IGSF10: variants seen among roughly 807,000 people sequenced by gnomAD.
The protein encoded by IGSF10 is calvaria mechanical force protein 608.
IGSF10 carries 126 observed loss-of-function variants against 128.2 expected under a neutral mutation model. The ratio of observed to expected loss-of-function variants is 0.98; its 90% CI spans 0.85 to 1.14. The LOEUF is 1.14. IGSF10 is among the 50% of genes most tolerant of loss of function. The pLI is 0.00. For missense variants in IGSF10, 3,295 were observed against 3,149.8 expected (o/e 1.05, Z -1.10); for synonymous variants, 1,185 against 1,146.2 (o/e 1.03, Z -0.68).
chr3:151,461,282 C>T (rs1217466490), upstream of IGSF10: 24 of 985,226 alleles, frequency 2.4e-5, no homozygotes, highest in East Asian at 1.1e-4. Flanking sequence ...AGTGGCCGCC[C>T]GTTCATTTCC....
chr3:151,448,430 CACTTT>C lies in IGSF10; in HGVS notation c.1546_1550del (p.Lys516GlufsTer7), dbSNP rs1415126202. The C allele has an allele frequency of 1.2e-6, 2 of 1,614,230 alleles. No individual in the cohort carries two copies. Among genetic ancestry groups the C allele is most frequent in the African/African-American group, 1.3e-5 (1 of 75,066 alleles). On this transcript the variant is annotated frameshift_variant, in exon 6 of 8. Transcript: ENST00000282466. LOFTEE classifies it high-confidence loss of function. ...CATCCTCACTGACATAAGGGGCTCT[CACTTT>C]ACTTCCATCAGCTAGAAGCCAATCC...
chr3:151,548,231 G>A, the IGSF10 span, among the ~76,000 whole-genome samples: 3 of 152,290 alleles, frequency 2.0e-5, no homozygotes, highest in East Asian at 3.9e-4. Context: ...TAAACATTAT[G>A]CTCTAAGGAA....
chr3:151,577,399 C>T, the IGSF10 span, among the ~76,000 whole-genome samples: 2 of 151,982 alleles, frequency 1.3e-5, no homozygotes, highest in East Asian at 1.9e-4. Flanking sequence ...CTATATAATC[C>T]TTTTTTCCCT....
the IGSF10 span, among the ~76,000 whole-genome samples, chr3:151,539,808 CTAT>C: frequency 6.7e-6 from 1 of 149,374 alleles, no homozygotes; most frequent in East Asian, 2.0e-4. Context: ...ATCTATCTAT[CTAT>C]CTATCATCTA....
the IGSF10 span, among the ~76,000 whole-genome samples, chr3:151,576,926 T>C: frequency 6.8e-6 from 1 of 147,638 alleles, no homozygotes; most frequent in Admixed American, 6.6e-5. Context: ...TTGGGGCTGC[T>C]CTACCTATGG....
chr3:151,495,843 T>C, the IGSF10 span, among the ~76,000 whole-genome samples: 1 of 152,134 alleles, frequency 6.6e-6, no homozygotes, highest in East Asian at 1.9e-4. Flanking sequence ...TATGAGTGTA[T>C]TCCTACTTCC....
chr3:151,561,037 T>C, the IGSF10 span, among the ~76,000 whole-genome samples: 1 of 152,188 alleles, frequency 6.6e-6, no homozygotes, highest in Admixed American at 6.6e-5. Flanking sequence ...AGCCAACATA[T>C]TTCAGAGAGT....
the IGSF10 span, among the ~76,000 whole-genome samples, chr3:151,505,212 C>T: frequency 8.5e-5 from 13 of 152,072 alleles, no homozygotes; most frequent in African/African-American, 2.2e-4. Context: ...TCTGCATGGC[C>T]GGGGAGGCCT....
At chr3:151,434,274 A>C (rs1352971612), downstream of IGSF10, 1 of 152,164 alleles carries the variant, frequency 6.6e-6, no homozygotes, top group Non-Finnish European at 1.5e-5. Context: ...TCTTTTGCAA[A>C]TCATTATCTA....
At chr3:151,590,573 G>A in the IGSF10 span, among the ~76,000 whole-genome samples, 2 of 152,100 alleles carry the variant, frequency 1.3e-5, no homozygotes, top group Non-Finnish European at 2.9e-5. Flanking sequence ...AGATGACATG[G>A]AGTAAGATAA....
At chr3:151,495,665 C>A in the IGSF10 span, among the ~76,000 whole-genome samples, 1 of 151,958 alleles carries the variant, frequency 6.6e-6, no homozygotes, top group African/African-American at 2.4e-5. Context: ...TGTCTTTCTA[C>A]CCATTGCTGG....
the IGSF10 span, among the ~76,000 whole-genome samples, chr3:151,606,431 T>G: frequency 6.6e-6 from 1 of 152,310 alleles, no homozygotes; most frequent in South Asian, 2.1e-4. Context: ...CATGACCCAC[T>G]TCTGAGAATG....
At chr3:151,521,813 C>A in the IGSF10 span, among the ~76,000 whole-genome samples, 1 of 151,458 alleles carries the variant, frequency 6.6e-6, no homozygotes. Flanking sequence ...TACAGAAGAA[C>A]AAATCAATCC....
chr3:151,463,284 C>T (rs531403545), upstream of IGSF10, among the ~76,000 whole-genome samples: 1 of 152,160 alleles, frequency 6.6e-6, no homozygotes, highest in Middle Eastern at 3.4e-3. Context: ...CCATTTGCTC[C>T]ACTTAATAAC....
At chr3:151,613,142 A>C in the IGSF10 span, among the ~76,000 whole-genome samples, 2 of 152,218 alleles carry the variant, frequency 1.3e-5, no homozygotes, top group East Asian at 3.8e-4. Context: ...AGGGATGTGA[A>C]GGACCTCTTC....
chr3:151,538,814 A>C, the IGSF10 span, among the ~76,000 whole-genome samples: 1 of 152,236 alleles, frequency 6.6e-6, no homozygotes, highest in Non-Finnish European at 1.5e-5. Flanking sequence ...AATGTAAGTT[A>C]AATCTTGGAC....
chr3:151,568,182 T>C, the IGSF10 span, among the ~76,000 whole-genome samples: 1 of 152,074 alleles, frequency 6.6e-6, no homozygotes, highest in Non-Finnish European at 1.5e-5. Flanking sequence ...AAAAAGTACT[T>C]TTTCCTCTTT....
Position 151,458,608 on chromosome 3 carries a change from G to C in IGSF10, c.102C>G (p.Ala34=), listed in dbSNP as rs779834027. The C allele has an allele frequency of 6.2e-7, 1 of 1,614,054 alleles. No individual in the cohort carries two copies. Among genetic ancestry groups the C allele is most frequent in the African/African-American group, 1.3e-5 (1 of 74,924 alleles). Residue 34 remains alanine, a synonymous_variant, in exon 3 of 8, where the codon GCC becomes GCG. Transcript: ENST00000282466. ...PGGKACPRRC[A]CYMPTEVHCT... ...AGTGTACCTCCGTAGGCATATAACA[G>C]GCACAGCGGCGAGGACAGGCCTTGC...
At chr3:151,519,225 T>TTA in the IGSF10 span, among the ~76,000 whole-genome samples, 1 of 151,884 alleles carries the variant, frequency 6.6e-6, no homozygotes, top group African/African-American at 2.4e-5. Flanking sequence ...AACTTAATTT[T>TTA]TATGCCAGCC....
Sources: gnomAD v4.1 joint callset for allele counts (sites outside exome capture counted in the v4.1 genomes callset) on GRCh38, gnomAD v4.1.1 for gene constraint, MANE v1.5 for transcripts, NCBI Gene and HGNC (gene_info 2026-07-23, HGNC 2026-07-21) for gene names.